AGGF1: variants seen among roughly 807,000 people sequenced by gnomAD.
AGGF1 encodes the protein angiogenic factor with G-patch and FHA domains 1.
AGGF1 carries 56 observed loss-of-function variants against 86.5 expected under a neutral mutation model. That is an observed-to-expected ratio of 0.65 (90% confidence interval 0.52 to 0.81). The LOEUF is 0.81. AGGF1 is among the 30% of genes least tolerant of loss of function. The pLI is 0.00. For missense variants in AGGF1, 816 were observed against 850.9 expected (o/e 0.96, Z 0.51); for synonymous variants, 313 against 297.1 (o/e 1.05, Z -0.55).
At chr5:77,052,638 T>C in intron 8 of AGGF1, 68 bp from the exon 9 acceptor site, 1 of 1,099,992 alleles carries the variant, frequency 9.1e-7, no homozygotes, top group Non-Finnish European at 1.4e-6. Context: ...CATCATCATA[T>C]CATACAGAAA....
rs747719481 is a variant in AGGF1 at position 77,035,573 on chromosome 5, A to C, written c.346A>C (p.Ser116Arg). ...YFYQTYYNDVSLPNKVTELSD... is the reference protein window; with the variant it reads ...YFYQTYYNDVRLPNKVTELSD... The stretch of plus-strand genomic sequence containing the variant: ...TTATCAGACGTACTACAATGACGTT[A>C]GTCTTCCAAATAAAGTGACTGAACT... The change falls in exon 3 of 14, where the codon AGT (serine) becomes CGT (arginine). Residue 116 changes from serine to arginine, a missense_variant. Physicochemically the swap from Ser to Arg is moderately radical, Grantham distance 110. This residue lies in a region of AGGF1 where 240 missense variants were observed against 234.4 expected (regional missense o/e 1.02). Coordinates refer to ENST00000312916, the MANE Select transcript of AGGF1 (RefSeq NM_018046.5). 1.2e-6 allele frequency: 2 copies of C among 1,613,300 alleles called. No homozygotes were observed. The highest frequency in any genetic ancestry group is 2.2e-5 in the South Asian group (2 of 91,026).
intron 5 of AGGF1, among the ~76,000 whole-genome samples, chr5:77,043,597 C>CT (rs754545975): frequency 0.47 from 23,360 of 49,834 alleles, 4,000 homozygotes; most frequent in Admixed American, 0.53. Flanking sequence ...ACCCCCCCCC[C>CT]CCCGGATGGC....
At chr5:77,055,737 G>A in intron 11 of AGGF1, 141 bp downstream of exon 11, 1 of 605,466 alleles carries the variant, frequency 1.7e-6, no homozygotes, top group Non-Finnish European at 2.9e-6. Flanking sequence ...TACTGTTCTG[G>A]TATTCATAAC....
At chr5:77,044,228 C>T (rs1274864215) in intron 5 of AGGF1, among the ~76,000 whole-genome samples, 1 of 151,120 alleles carries the variant, frequency 6.6e-6, no homozygotes, top group Non-Finnish European at 1.5e-5. Context: ...CCAGGGCAGG[C>T]GGCTGGGAGG....
At chr5:77,036,752 GT>G in intron 4 of AGGF1, 32 bp downstream of exon 4, 2 of 1,608,556 alleles carry the variant, frequency 1.2e-6, no homozygotes, top group East Asian at 2.2e-5. Flanking sequence ...GTTTTGTTTT[GT>G]TTTTGAGACA....
intron 11 of AGGF1, 91 bp from the exon 12 acceptor site, chr5:77,059,525 T>C (rs1456491390): frequency 2.6e-6 from 3 of 1,158,780 alleles, no homozygotes; most frequent in Admixed American, 1.9e-5. Context: ...AGAGGCCACA[T>C]TGAATCATAT....
chr5:77,031,932 A>C (rs1385721924), intron 1 of AGGF1, among the ~76,000 whole-genome samples: 1 of 152,060 alleles, frequency 6.6e-6, no homozygotes, highest in Non-Finnish European at 1.5e-5. Context: ...CCAAGAGCAT[A>C]GTATTTTTTT....
chr5:77,055,762 A>C (rs1195605687), intron 11 of AGGF1, among the ~76,000 whole-genome samples, 166 bp downstream of exon 11: 2 of 152,236 alleles, frequency 1.3e-5, no homozygotes, highest in Non-Finnish European at 2.9e-5. Context: ...AAACTATTGA[A>C]GTTGGAGTAG....
Position 77,041,521 on chromosome 5 carries a change from C to T in AGGF1, c.870+1802C>T, listed in dbSNP as rs1228021262. On this transcript the variant is annotated intron_variant, in intron 5 of 13. Transcript: ENST00000312916. ...GGCGGAGGTTGCAGTGAGCCAGGAT[C>T]GCACCACCACACTGCAGCCTGGGCA... Among the ~76,000 whole-genome samples, 14 of 147,636 alleles carry T rather than the reference C, an allele frequency of 9.5e-5. No individual in the cohort carries two copies. The East Asian group carries it at 2.4e-3, about 26-fold the overall frequency.
chr5:77,031,222 G>T (rs1580120787), intron 1 of AGGF1, among the ~76,000 whole-genome samples: 1 of 152,196 alleles, frequency 6.6e-6, no homozygotes, highest in African/African-American at 2.4e-5. Context: ...TGGCTACATT[G>T]TCTTCATTCT....
chr5:77,031,353 T>C (rs945736647), intron 1 of AGGF1, among the ~76,000 whole-genome samples: 34 of 152,304 alleles, frequency 2.2e-4, no homozygotes, highest in Admixed American at 5.2e-4. Context: ...TGTGAACTTA[T>C]ATACCGAGTC....
chr5:77,037,993 AGTAAT>A (rs1746996376), intron 4 of AGGF1, among the ~76,000 whole-genome samples: 1 of 152,332 alleles, frequency 6.6e-6, no homozygotes, highest in Admixed American at 6.5e-5. Context: ...TCAAGAATCT[AGTAAT>A]GTAATCTGGT....
chr5:77,046,603 C>A lies in AGGF1; in HGVS notation c.1127C>A (p.Ser376Tyr), dbSNP rs776573230. 1 of 1,614,000 alleles carries A rather than the reference C, an allele frequency of 6.2e-7. No homozygotes were observed. Among genetic ancestry groups the A allele is most frequent in the East Asian group, 2.2e-5 (1 of 44,872 alleles). The change falls in exon 6 of 14, where the codon TCT becomes TAT. Residue 376 changes from serine to tyrosine, a missense_variant. This residue lies in a region of AGGF1 where 565 missense variants were observed against 585.8 expected (regional missense o/e 0.96). Coordinates refer to ENST00000312916, the MANE Select transcript of AGGF1 (RefSeq NM_018046.5). ...SEPEEGEITD[S>Y]QTEDSYDEAI... The stretch of plus-strand genomic sequence containing the variant: ...CCAGAGGAAGGTGAAATTACAGACT[C>A]TCAGACTGAGGATAGTTATGACGAA...
chr5:77,057,596 G>T (rs543403331), intron 11 of AGGF1, among the ~76,000 whole-genome samples: 1 of 152,268 alleles, frequency 6.6e-6, no homozygotes, highest in Admixed American at 6.5e-5. Flanking sequence ...GTTACATGAA[G>T]CAAACTTACT....
chr5:77,057,905 G>C (rs1015023753), intron 11 of AGGF1, among the ~76,000 whole-genome samples: 5 of 152,192 alleles, frequency 3.3e-5, no homozygotes, highest in Non-Finnish European at 7.3e-5. Context: ...GCACATTCTG[G>C]TTGGTGTTGA....
chr5:77,031,082 G>C, intron 1 of AGGF1, 106 bp downstream of exon 1: 1 of 1,214,338 alleles, frequency 8.2e-7, no homozygotes, highest in Non-Finnish European at 1.2e-6. Context: ...AACTACTGTA[G>C]AGTACTTAAA....
rs750056406 is a variant in AGGF1, at chr5:77,059,728, C to T, written c.1829C>T (p.Pro610Leu). 3 of 1,613,808 alleles carry T rather than the reference C, an allele frequency of 1.9e-6. No homozygotes were observed. Among genetic ancestry groups the T allele is most frequent in the Admixed American group, 1.7e-5 (1 of 60,004 alleles). The change falls in exon 12 of 14, where the codon CCT becomes CTT. Residue 610 changes from proline (P) to leucine (L), a missense_variant. Transcript: ENST00000312916. ...GGAACTTTCCAAAGAGATGATGCTC[C>T]TGCATCTGTTCATTCGTAAGTTTTG... ...SEGTFQRDDAPASVHSEITDS... is the reference protein window; with the variant it reads ...SEGTFQRDDALASVHSEITDS...
rs573989242 is a variant in AGGF1, at chr5:77,059,911, G to A, written c.1844+168G>A. Among the ~76,000 whole-genome samples the A allele has an allele frequency of 4.6e-5, 7 of 152,102 alleles. No individual in the cohort carries two copies. In the South Asian group the frequency reaches 1.0e-3, roughly 23 times the overall value. ...GGCTGGAGTGCAGTGGTGTGGTCTC[G>A]GCTCACTGCAACCTCCATCTCCCGG... On this transcript the variant is annotated intron_variant, in intron 12 of 13. Transcript: ENST00000312916.
chr5:77,035,851 G>T, intron 3 of AGGF1, 108 bp downstream of exon 3: 2 of 949,334 alleles, frequency 2.1e-6, no homozygotes, highest in South Asian at 2.9e-5. Context: ...ATATATAAGG[G>T]TTATAAACAT....
Sources: gnomAD v4.1 joint callset for allele counts (sites outside exome capture counted in the v4.1 genomes callset) on GRCh38, gnomAD v4.1.1 for gene constraint, gnomAD v4.1.1 regional missense constraint, MANE v1.5 for transcripts, NCBI Gene and HGNC (gene_info 2026-07-23, HGNC 2026-07-21) for gene names.